IAPP: variants seen among roughly 807,000 people sequenced by gnomAD.
IAPP encodes the protein Islet amyloid polypeptide (diabetes-associated peptide; amylin).
In IAPP, 4 loss-of-function variants were observed where a neutral mutation model predicts 2.9. The observed-to-expected ratio is 1.39, with a 90% CI of 0.69 to 3.19. The LOEUF (loss-of-function observed/expected upper bound fraction) is 3.19. Among genes scored for constraint, IAPP ranks in the 30% most tolerant of loss-of-function variants. IAPP has a pLI of 0.01. For synonymous variants in IAPP, 40 were observed against 42.1 expected, an observed-to-expected ratio of 0.95 and a Z score of 0.19; for missense variants, 114 against 105.3, an observed-to-expected ratio of 1.08 and a Z score of -0.36.
intron 2 of IAPP, among the ~76,000 whole-genome samples, chr12:21,376,874 A>G (rs535711363): frequency 6.3e-4 from 96 of 152,168 alleles, no homozygotes; most frequent in Non-Finnish European, 1.0e-3. Flanking sequence ...CCTAAGTTTC[A>G]CCAATATTTT....
intron 2 of IAPP, among the ~76,000 whole-genome samples, chr12:21,374,764 A>T (rs1341059744): frequency 6.6e-6 from 1 of 152,134 alleles, no homozygotes; most frequent in Non-Finnish European, 1.5e-5. Context: ...CAATAGATAT[A>T]GAAATTTACT....
chr12:21,366,643 A>C (rs1939411542), intron 1 of IAPP, among the ~76,000 whole-genome samples: 1 of 152,110 alleles, frequency 6.6e-6, no homozygotes, highest in Admixed American at 6.5e-5. Flanking sequence ...GAGAATTTTG[A>C]AAAGAAACCA....
upstream of IAPP, among the ~76,000 whole-genome samples, chr12:21,371,407 T>C (rs1591892431): frequency 6.6e-6 from 1 of 152,202 alleles, no homozygotes; most frequent in East Asian, 1.9e-4. Context: ...TTTGATTTTT[T>C]TTCTTTTGGA....
intron 1 of IAPP, among the ~76,000 whole-genome samples, chr12:21,364,007 A>G (rs1230152040): frequency 6.6e-6 from 1 of 152,220 alleles, no homozygotes; most frequent in Non-Finnish European, 1.5e-5. Context: ...AAACTATTCC[A>G]ATCAATAGAA....
rs145461109 is a variant in IAPP at position 21,356,830 on chromosome 12, T to C, written c.-16+1817T>C. Among the ~76,000 whole-genome samples, 169 of 152,304 alleles carry C rather than the reference T, an allele frequency of 1.1e-3. 2 individuals carry two copies. Among genetic ancestry groups the C allele is most frequent in the Admixed American group, 5.9e-4 (9 of 15,298 alleles). On this transcript the variant is annotated intron_variant, in intron 1 of 2. Coordinates refer to the IAPP transcript ENST00000539393. ...TGTAAGACTTAAATTACATTTTTAATAAAGTAGATTGTATGGAGATCTATA... is the reference window on the plus strand; with the variant it reads ...TGTAAGACTTAAATTACATTTTTAACAAAGTAGATTGTATGGAGATCTATA...
chr12:21,365,508 CACCA>C, intron 1 of IAPP, among the ~76,000 whole-genome samples: 1 of 152,134 alleles, frequency 6.6e-6, no homozygotes, highest in Non-Finnish European at 1.5e-5. Context: ...ATGACTAAAA[CACCA>C]AAAGCAATGG....
chr12:21,374,369 C>G (rs570007733), intron 2 of IAPP: 3 of 152,330 alleles, frequency 2.0e-5, no homozygotes, highest in African/African-American at 7.2e-5. Context: ...AACTTACACA[C>G]TCTTTAACAC....
rs1485460139 is a variant in IAPP at position 21,379,598 on chromosome 12, G to A, written c.*1172G>A. 6 of 152,308 alleles carry A rather than the reference G, an allele frequency of 3.9e-5. No individual in the cohort carries two copies. Among genetic ancestry groups the A allele is most frequent in the Non-Finnish European group, 8.8e-5 (6 of 68,030 alleles). 9.4% of individuals were successfully genotyped at this position (152,308 alleles called of 1,614,324 possible). A position where few individuals can be genotyped will look rare whatever the true frequency, so the allele number is the denominator to read the frequency against. On this transcript the variant is annotated 3_prime_UTR_variant, in exon 3 of 3. Coordinates refer to ENST00000240652, the MANE Select transcript of IAPP (RefSeq NM_000415.3). ...GCAGCTGCAATGTTGGACAGAAGAT[G>A]AAATGCTTTGCTTTGAGTCAGATTC...
Position 21,378,862 on chromosome 12 carries a change from G to T in IAPP, c.*436G>T, listed in dbSNP as rs1940399118. ...GAGGCCGAGGCAGGCAGATCACAAG[G>T]TCAGGAGTTCGAGACCAGCCTGACC... On this transcript the variant is annotated 3_prime_UTR_variant, in exon 3 of 3. Coordinates refer to ENST00000240652, the MANE Select transcript of IAPP (RefSeq NM_000415.3). 1 of 164,680 alleles carries T rather than the reference G, an allele frequency of 6.1e-6. No individual in the cohort carries two copies. The highest frequency in any genetic ancestry group is 1.7e-4 in the East Asian group (1 of 5,950). The allele number at this position is 164,680 out of a possible 1,614,324, so 10.2% of individuals were successfully genotyped here.
chr12:21,377,606 A>T (rs1252809395), intron 2 of IAPP, among the ~76,000 whole-genome samples: 1 of 152,136 alleles, frequency 6.6e-6, no homozygotes, highest in East Asian at 1.9e-4. Context: ...TCCACTCTTT[A>T]ACTCATGAAT....
rs923432684 is a variant in IAPP at position 21,379,424 on chromosome 12, T to C, written c.*998T>C. On this transcript the variant is annotated 3_prime_UTR_variant, in exon 3 of 3. Transcript: ENST00000240652. ...TCAGTCATATTCTTATGCAGGGTAT[T>C]GCGAAACAACTTGTGTTCTATTAAT... The C allele has an allele frequency of 1.3e-5, 2 of 152,232 alleles. No homozygotes were observed. The highest frequency in any genetic ancestry group is 2.9e-5 in the Non-Finnish European group (2 of 68,044). 9.4% of individuals were successfully genotyped at this position (152,232 alleles called of 1,614,324 possible). A position where few individuals can be genotyped will look rare whatever the true frequency, so the allele number is the denominator to read the frequency against.
intron 1 of IAPP, among the ~76,000 whole-genome samples, chr12:21,361,795 G>A (rs543388835): frequency 6.6e-6 from 1 of 152,304 alleles, no homozygotes; most frequent in South Asian, 2.1e-4. Context: ...AAGGGTATCA[G>A]TGATTGAAGA....
At chr12:21,377,930 T>C (rs926181342) in intron 2 of IAPP, among the ~76,000 whole-genome samples, 2 of 152,202 alleles carry the variant, frequency 1.3e-5, no homozygotes, top group African/African-American at 2.4e-5. Flanking sequence ...TCAAGATTTT[T>C]AAAAATGTAA....
upstream of IAPP, among the ~76,000 whole-genome samples, chr12:21,371,779 G>C (rs1939811080): frequency 6.6e-6 from 1 of 152,102 alleles, no homozygotes; most frequent in Non-Finnish European, 1.5e-5. Flanking sequence ...GAAGTGGGCG[G>C]ATCACCTGAG....
At chr12:21,361,050 C>A (rs1938822896) in intron 1 of IAPP, among the ~76,000 whole-genome samples, 1 of 152,166 alleles carries the variant, frequency 6.6e-6, no homozygotes, top group South Asian at 2.1e-4. Context: ...GTTCTCCCAG[C>A]ACGGAGTTTG....
intron 1 of IAPP, among the ~76,000 whole-genome samples, chr12:21,360,787 T>G (rs1037561505): frequency 1.3e-5 from 2 of 152,194 alleles, no homozygotes; most frequent in African/African-American, 4.8e-5. Context: ...GCTCGCTCAC[T>G]GCTAGCACAG....
At chr12:21,375,650 T>C (rs1347237994) in intron 2 of IAPP, among the ~76,000 whole-genome samples, 7 of 152,150 alleles carry the variant, frequency 4.6e-5, no homozygotes, top group Non-Finnish European at 8.8e-5. Context: ...ATCACTAGGA[T>C]CTCCCTGCAG....
intron 1 of IAPP, among the ~76,000 whole-genome samples, chr12:21,360,369 G>A (rs1316033277): frequency 1.3e-5 from 2 of 152,112 alleles, no homozygotes; most frequent in Non-Finnish European, 2.9e-5. Flanking sequence ...TAAATAAATG[G>A]GCCAATAAGG....
At chr12:21,366,398 G>A (rs1231108178) in intron 1 of IAPP, among the ~76,000 whole-genome samples, 11 of 151,444 alleles carry the variant, frequency 7.3e-5, no homozygotes, top group African/African-American at 1.2e-4. Flanking sequence ...CGGGCCTGCC[G>A]GGGGGTGGGC....
Sources: gnomAD v4.1 joint callset for allele counts (sites outside exome capture counted in the v4.1 genomes callset) on GRCh38, gnomAD v4.1.1 for gene constraint, MANE v1.5 for transcripts, NCBI Gene and HGNC (gene_info 2026-07-23, HGNC 2026-07-21) for gene names.